Variants in SPHKAP observed in about 807,000 individuals in gnomAD.
SPHKAP encodes the protein A-kinase anchor protein SPHKAP.
In SPHKAP, 67 loss-of-function variants were observed where a neutral mutation model predicts 137.5. The observed-to-expected ratio is 0.49, with a 90% CI of 0.40 to 0.60. The LOEUF (loss-of-function observed/expected upper bound fraction) is 0.60, where lower values mean the gene tolerates loss of function less well. Ranked by LOEUF, SPHKAP falls within the 20% of genes least tolerant of loss-of-function variation. The pLI is 0.00. For synonymous variants in SPHKAP, 813 were observed against 785.3 expected (o/e 1.04, Z -0.59); for missense variants, 2,097 against 2,069.3 (o/e 1.01, Z -0.26).
At chr2:228,159,558 T>A (rs1330563744) in intron 1 of SPHKAP, among the ~76,000 whole-genome samples, 1 of 152,060 alleles carries the variant, frequency 6.6e-6, no homozygotes, top group Non-Finnish European at 1.5e-5. Context: ...AAGAAAGACA[T>A]CCCTGGGTTA....
At chr2:228,041,328 G>C (rs1333512915) in intron 3 of SPHKAP, among the ~76,000 whole-genome samples, 1 of 151,976 alleles carries the variant, frequency 6.6e-6, no homozygotes, top group Admixed American at 6.6e-5. Flanking sequence ...AGTTAAATCA[G>C]GATTCTCCAA....
chr2:228,073,693 G>A (rs995633233), intron 3 of SPHKAP, among the ~76,000 whole-genome samples: 1 of 152,090 alleles, frequency 6.6e-6, no homozygotes, highest in Non-Finnish European at 1.5e-5. Context: ...GACTTTCAAA[G>A]CAGAATGTTC....
intron 3 of SPHKAP, among the ~76,000 whole-genome samples, chr2:228,042,737 T>C (rs1695899968): frequency 6.6e-6 from 1 of 152,242 alleles, no homozygotes; most frequent in South Asian, 2.1e-4. Context: ...GGCGTAAGTA[T>C]TTATTTCTGT....
intron 3 of SPHKAP, among the ~76,000 whole-genome samples, chr2:228,077,958 G>A (rs1697237497): frequency 6.6e-6 from 1 of 152,168 alleles, no homozygotes; most frequent in Non-Finnish European, 1.5e-5. Context: ...TCTCATGTCA[G>A]TGAATGAGTC....
At chr2:228,141,390 A>G (rs1255218552) in intron 1 of SPHKAP, among the ~76,000 whole-genome samples, 1 of 152,212 alleles carries the variant, frequency 6.6e-6, no homozygotes, top group African/African-American at 2.4e-5. Context: ...TAATTACTCA[A>G]TATGAAACTG....
At chr2:228,035,922 A>T (rs575257346) in intron 3 of SPHKAP, among the ~76,000 whole-genome samples, 5 of 151,908 alleles carry the variant, frequency 3.3e-5, no homozygotes, top group African/African-American at 1.2e-4. Flanking sequence ...CTAAAACCAT[A>T]AAAACCCTAG....
chr2:228,028,513 CA>C (rs1340040100), intron 3 of SPHKAP, among the ~76,000 whole-genome samples: 1 of 152,162 alleles, frequency 6.6e-6, no homozygotes, highest in Non-Finnish European at 1.5e-5. Flanking sequence ...ACATTTTGGT[CA>C]AGAACTGATC....
intron 11 of SPHKAP, among the ~76,000 whole-genome samples, chr2:227,990,562 T>C (rs2106160169): frequency 6.6e-6 from 1 of 152,294 alleles, no homozygotes; most frequent in East Asian, 1.9e-4. Context: ...ATAAAAAGTC[T>C]TCCTAACACG....
Position 228,133,916 on chromosome 2 carries a change from T to C in SPHKAP, c.33-1831A>G, listed in dbSNP as rs567257250. Among the ~76,000 whole-genome samples the C allele has an allele frequency of 2.6e-5, 4 of 152,300 alleles. No homozygotes were observed. The South Asian group carries it at 6.2e-4, about 24-fold the overall frequency. Reference sequence around the variant, plus strand: ...AGTAATTAAAATAAAATCTGTTTTGTTAAAATTTTTTATATATTACTTTTT... The same window carrying C: ...AGTAATTAAAATAAAATCTGTTTTGCTAAAATTTTTTATATATTACTTTTT... On this transcript the variant is annotated intron_variant, in intron 1 of 11. Transcript: ENST00000392056.
intron 1 of SPHKAP, among the ~76,000 whole-genome samples, chr2:228,180,438 G>C (rs1700872392): frequency 6.6e-6 from 1 of 152,004 alleles, no homozygotes; most frequent in Non-Finnish European, 1.5e-5. Context: ...CACTCCATGT[G>C]TGCCCTGGCC....
At position 228,178,498 on chromosome 2, in the gene SPHKAP, T is replaced by C. The variant is rs116295707; in HGVS notation, c.32+3069A>G. Among the ~76,000 whole-genome samples the C allele has an allele frequency of 2.7e-3, 407 of 152,284 alleles. 1 individual carries two copies. Among genetic ancestry groups the C allele is most frequent in the African/African-American group, 9.4e-3 (392 of 41,570 alleles). On this transcript the variant is annotated intron_variant, in intron 1 of 11. Transcript: ENST00000392056. The stretch of plus-strand genomic sequence containing the variant: ...GTAAGTGGAAACTACTGCATTGTAA[T>C]ACAGTGTACTATAGAACACACTGGA...
chr2:228,042,990 C>T (rs753220164), intron 3 of SPHKAP, among the ~76,000 whole-genome samples: 4 of 152,036 alleles, frequency 2.6e-5, no homozygotes, highest in African/African-American at 4.8e-5. Flanking sequence ...GCAAGAGATG[C>T]GCAATAGGTA....
intron 3 of SPHKAP, among the ~76,000 whole-genome samples, chr2:228,035,823 G>A (rs1695566648): frequency 6.6e-6 from 1 of 152,100 alleles, no homozygotes. Flanking sequence ...AAAACTGGCT[G>A]GCCATATGTA....
intron 7 of SPHKAP, among the ~76,000 whole-genome samples, chr2:228,001,432 TA>T (rs1280307182): frequency 7.2e-6 from 1 of 138,938 alleles, no homozygotes; most frequent in Non-Finnish European, 1.6e-5. Context: ...TATACATATA[TA>T]AATATATATA....
intron 1 of SPHKAP, among the ~76,000 whole-genome samples, chr2:228,158,303 T>C (rs371238828): frequency 6.6e-6 from 1 of 150,432 alleles, no homozygotes; most frequent in East Asian, 2.0e-4. Context: ...TATAAGATAA[T>C]TGTAATTGTA....
At chr2:228,161,257 A>G (rs779993182) in intron 1 of SPHKAP, among the ~76,000 whole-genome samples, 3 of 152,228 alleles carry the variant, frequency 2.0e-5, no homozygotes, top group Non-Finnish European at 4.4e-5. Flanking sequence ...CTGCGTAGAC[A>G]GTGAGAGAAT....
intron 11 of SPHKAP, among the ~76,000 whole-genome samples, chr2:227,984,981 G>C (rs1483941696): frequency 6.6e-6 from 1 of 152,088 alleles, no homozygotes; most frequent in Non-Finnish European, 1.5e-5. Flanking sequence ...TTTCTGGGTG[G>C]GGGAAGAATC....
Position 228,017,858 on chromosome 2 carries a change from CG to C in SPHKAP, c.2995del (p.Arg999GlyfsTer19). The C allele has an allele frequency of 6.2e-7, 1 of 1,613,998 alleles. No individual in the cohort carries two copies. The part of the protein sequence containing the change: ...GTAVRKHKPP[R>X]LSEIKRKTDE... ...CGTCTTCCTCTTGATCTCACTGAGC[CG>C]GGGAGGCTTGTGTTTCCTCACAGCG... On this transcript the variant is annotated frameshift_variant, in exon 7 of 12. Coordinates refer to ENST00000392056, the MANE Select transcript of SPHKAP (RefSeq NM_001142644.2). LOFTEE classifies it high-confidence loss of function.
Position 228,018,596 on chromosome 2 carries a change from G to A in SPHKAP, c.2258C>T (p.Pro753Leu). ...AGCTTGACTAGCACCCGGATCAGATGGCTGGCAGCTTGGTTCTGTCTCCCT... is the reference window on the plus strand; with the variant it reads ...AGCTTGACTAGCACCCGGATCAGATAGCTGGCAGCTTGGTTCTGTCTCCCT... The part of the protein sequence containing the change: ...RRRETEPSCQ[P>L]SDPGASQAWT... Residue 753 changes from proline to leucine, a missense_variant, in exon 7 of 12, where the codon CCA (proline) becomes CTA (leucine). By Grantham distance (98) the Pro-to-Leu change is moderately conservative. Coordinates refer to ENST00000392056, the MANE Select transcript of SPHKAP (RefSeq NM_001142644.2). The A allele has an allele frequency of 1.2e-6, 2 of 1,614,058 alleles. No homozygotes were observed. The highest frequency in any genetic ancestry group is 1.7e-6 in the Non-Finnish European group (2 of 1,179,952).
Sources: allele counts gnomAD v4.1 joint callset (sites outside exome capture counted in the v4.1 genomes callset), GRCh38; gene constraint gnomAD v4.1.1; transcripts MANE v1.5; gene names NCBI Gene and HGNC (gene_info 2026-07-23, HGNC 2026-07-21).